PLEKHG4B: variants seen among roughly 807,000 people sequenced by gnomAD.
PLEKHG4B encodes the protein pleckstrin homology and RhoGEF domain containing G4B, also known as pleckstrin homology domain-containing family G member 4B.
Under a neutral mutation model 121.3 loss-of-function variants are expected in PLEKHG4B, and 111 were observed. The observed-to-expected ratio is 0.92, with a 90% CI of 0.78 to 1.07. The LOEUF is 1.07. PLEKHG4B is among the 50% of genes least tolerant of loss of function. PLEKHG4B has a pLI of 0.00. For synonymous variants in PLEKHG4B, 738 were observed against 725.0 expected (o/e 1.02, Z -0.29); for missense variants, 1,831 against 1,757.8 (o/e 1.04, Z -0.74).
At chr5:131,358 G>C (rs1303761162) in intron 2 of PLEKHG4B, among the ~76,000 whole-genome samples, 1 of 152,170 alleles carries the variant, frequency 6.6e-6, no homozygotes, top group African/African-American at 2.4e-5. Flanking sequence ...GGAACATGCA[G>C]TGTTTGGTTT....
rs190337000 is a variant in PLEKHG4B, at chr5:108,723, G to A, written c.46-4528G>A. Among the ~76,000 whole-genome samples the A allele has an allele frequency of 2.0e-3, 286 of 140,826 alleles. 4 individuals carry two copies. Among genetic ancestry groups the A allele is most frequent in the African/African-American group, 7.5e-3 (272 of 36,368 alleles). The allele number at this position is 140,826 out of a possible 152,430, so 92.4% of individuals were successfully genotyped here. On this transcript the variant is annotated intron_variant, in intron 1 of 19. Coordinates refer to ENST00000637938, the MANE Select transcript of PLEKHG4B (RefSeq NM_052909.5). ...GATGGCTGGTGTAGACAGACTGGGT[G>A]CAGATGGCTGGGTGTAGACAGACTG...
intron 2 of PLEKHG4B, among the ~76,000 whole-genome samples, chr5:136,953 A>C (rs1735002330): frequency 6.6e-6 from 1 of 152,212 alleles, no homozygotes; most frequent in African/African-American, 2.4e-5. Context: ...GGTGGAAACA[A>C]CCCCAGTGTT....
At chr5:111,930 G>T (rs1476533153) in intron 1 of PLEKHG4B, among the ~76,000 whole-genome samples, 1 of 148,522 alleles carries the variant, frequency 6.7e-6, no homozygotes, top group African/African-American at 2.6e-5. Flanking sequence ...CCTGAGACGG[G>T]CCCACTCATT....
At chr5:110,569 AAC>A (rs1442917359) in intron 1 of PLEKHG4B, among the ~76,000 whole-genome samples, 25 of 139,604 alleles carry the variant, frequency 1.8e-4, no homozygotes, top group Non-Finnish European at 2.6e-4. Flanking sequence ...CGCAATCTGC[AAC>A]ACACGCGCAC....
intron 13 of PLEKHG4B, among the ~76,000 whole-genome samples, chr5:165,721 C>G (rs879152032): frequency 2.7e-5 from 1 of 37,184 alleles, no homozygotes; most frequent in African/African-American, 1.0e-4. Context: ...CACTAATGCT[C>G]TGACGGGGCG....
chr5:132,518 G>A lies in PLEKHG4B; in HGVS notation c.244-6965G>A, dbSNP rs1323757449. On this transcript the variant is annotated intron_variant, in intron 2 of 19. Coordinates refer to ENST00000637938, the MANE Select transcript of PLEKHG4B (RefSeq NM_052909.5). ...TGATATTATCTTTTAGAATGTTTATGGTTTCTGGTCTTAGATTTAAGTCTG... is the reference window on the plus strand; with the variant it reads ...TGATATTATCTTTTAGAATGTTTATAGTTTCTGGTCTTAGATTTAAGTCTG... Among the ~76,000 whole-genome samples, 7 of 152,106 alleles carry A rather than the reference G, an allele frequency of 4.6e-5. No homozygotes were observed. The South Asian group carries it at 1.4e-3, about 31-fold the overall frequency.
At position 188,241 on chromosome 5, in the gene PLEKHG4B, T is replaced by C. The variant is rs1733682853; in HGVS notation, c.*5918T>C. 6.6e-6 allele frequency: 1 copy of C among 152,350 alleles called. No individual in the cohort carries two copies. The highest frequency in any genetic ancestry group is 1.5e-5 in the Non-Finnish European group (1 of 68,156). The allele number at this position is 152,350 out of a possible 1,614,324, so 9.4% of individuals were successfully genotyped here. ...TCCTGGGGACACGCCTCTCCCAAGGTCACCCACGTGGGGGCTTTGTTACTC... is the reference window on the plus strand; with the variant it reads ...TCCTGGGGACACGCCTCTCCCAAGGCCACCCACGTGGGGGCTTTGTTACTC... On this transcript the variant is annotated 3_prime_UTR_variant, in exon 20 of 20. Transcript: ENST00000637938.
At chr5:168,530 A>G (rs1736426985) in intron 13 of PLEKHG4B, among the ~76,000 whole-genome samples, 1 of 152,234 alleles carries the variant, frequency 6.6e-6, no homozygotes, top group Middle Eastern at 3.4e-3. Context: ...TTTCCACCAC[A>G]GCCTTCCTTA....
rs1243686715 is a variant in PLEKHG4B, at chr5:187,363, C to T, written c.*5040C>T. On this transcript the variant is annotated 3_prime_UTR_variant, in exon 20 of 20. Transcript: ENST00000637938. Reference sequence around the variant, plus strand: ...GGCTTAGCTGGGCCTGCGTCCATCCCCGGTTCTGGGGAGATGCCCGGGCCC... The same window carrying T: ...GGCTTAGCTGGGCCTGCGTCCATCCTCGGTTCTGGGGAGATGCCCGGGCCC... 1 of 152,292 alleles carries T rather than the reference C, an allele frequency of 6.6e-6. No individual in the cohort carries two copies. The highest frequency in any genetic ancestry group is 1.5e-5 in the Non-Finnish European group (1 of 68,134). The allele number at this position is 152,292 out of a possible 1,614,324, so 9.4% of individuals were successfully genotyped here.
intron 1 of PLEKHG4B, among the ~76,000 whole-genome samples, chr5:103,042 C>G (rs540148163): frequency 5.9e-5 from 9 of 152,318 alleles, no homozygotes; most frequent in East Asian, 5.8e-4. Context: ...AGTTACCGCT[C>G]TGTTCCCTCC....
chr5:163,696 C>G, intron 13 of PLEKHG4B, 148 bp downstream of exon 13: 3 of 745,296 alleles, frequency 4.0e-6, no homozygotes, highest in Non-Finnish European at 4.2e-6. Context: ...TAAGAAGAAA[C>G]ACAATTTTAA....
chr5:122,409 AT>A (rs552399727), intron 2 of PLEKHG4B, among the ~76,000 whole-genome samples: 28,424 of 151,564 alleles, frequency 0.19, 3,688 homozygotes, highest in African/African-American at 0.37. Flanking sequence ...ATTTTTATTT[AT>A]TTATTTATTT....
intron 2 of PLEKHG4B, among the ~76,000 whole-genome samples, chr5:133,375 C>G (rs1444515086): frequency 6.6e-6 from 1 of 151,920 alleles, no homozygotes; most frequent in East Asian, 1.9e-4. Flanking sequence ...ATTTGGATGC[C>G]CTTTATTTTT....
intron 9 of PLEKHG4B, among the ~76,000 whole-genome samples, chr5:155,726 A>G (rs961656364): frequency 1.3e-5 from 2 of 152,188 alleles, no homozygotes; most frequent in Admixed American, 1.3e-4. Context: ...CCATTCCAAC[A>G]AGACACAGAG....
In PLEKHG4B at chr5:172,931, G is replaced by A. The variant is rs375135476; in HGVS notation, c.4085G>A (p.Arg1362Gln). The change falls in exon 17 of 20, where the codon CGG becomes CAG. Residue 1362 changes from arginine to glutamine, a missense_variant. Arg to Gln is a conservative substitution (Grantham distance 43, BLOSUM62 1). Transcript: ENST00000637938. ...AAGGAACAGGGGCAGCTGAGATGCC[G>A]GGATGAGTTTATCGTTTGCTGCGGG... ...NLKEQGQLRC[R>Q]DEFIVCCGRK... The A allele has an allele frequency of 2.0e-5, 33 of 1,614,052 alleles. No homozygotes were observed. The highest frequency in any genetic ancestry group is 1.2e-4 in the African/African-American group (9 of 74,924).
chr5:156,164 G>C lies in PLEKHG4B; in HGVS notation c.2302G>C (p.Val768Leu), dbSNP rs534336026. Residue 768 changes from valine to leucine, a missense_variant, in exon 10 of 20, where the codon GTC becomes CTC. Coordinates refer to ENST00000637938, the MANE Select transcript of PLEKHG4B (RefSeq NM_052909.5). The surrounding 1 kb of genome is among the most constrained non-coding windows in gnomAD (Gnocchi z 4.4). ...GTCTCTCAGGCTGGAGGGGGGCACC[G>C]TCCTGGCGCGGCTGAGGAGAGAAGA... ...LVSLRLEGGTVLARLRREELG... is the reference protein window; with the variant it reads ...LVSLRLEGGTLLARLRREELG... The C allele has an allele frequency of 6.3e-7, 1 of 1,587,218 alleles. No homozygotes were observed. Among genetic ancestry groups the C allele is most frequent in the South Asian group, 1.1e-5 (1 of 87,428 alleles).
chr5:103,311 G>A (rs989713798), intron 1 of PLEKHG4B, among the ~76,000 whole-genome samples: 1 of 152,156 alleles, frequency 6.6e-6, no homozygotes, highest in African/African-American at 2.4e-5. Context: ...TTCCTGGGCT[G>A]ACACAGTTTT....
intron 19 of PLEKHG4B, 151 bp from the exon 20 acceptor site, chr5:181,853 A>T (rs1254236568): frequency 8.0e-7 from 1 of 1,254,434 alleles, no homozygotes; most frequent in Non-Finnish European, 1.1e-6. Flanking sequence ...TGCAGAGGGC[A>T]CTGGGCCAGT....
chr5:140,696 C>T lies in PLEKHG4B; in HGVS notation c.1457C>T (p.Pro486Leu). ...GTPNCVPVEG[P>L]GCTKEEDVLA... Reference sequence around the variant, plus strand: ...CCAAACTGTGTCCCAGTAGAGGGTCCCGGCTGCACCAAAGAGGAAGGTAAA... The same window carrying T: ...CCAAACTGTGTCCCAGTAGAGGGTCTCGGCTGCACCAAAGAGGAAGGTAAA... Residue 486 changes from proline (P) to leucine (L), a missense_variant, in exon 3 of 20, where the codon CCC becomes CTC. Transcript: ENST00000637938. The T allele has an allele frequency of 6.3e-7, 1 of 1,578,436 alleles. No homozygotes were observed. Among genetic ancestry groups the T allele is most frequent in the East Asian group, 2.3e-5 (1 of 44,432 alleles).
Sources: gnomAD v4.1 joint callset for allele counts (sites outside exome capture counted in the v4.1 genomes callset) on GRCh38, gnomAD v4.1.1 for gene constraint, Gnocchi (gnomAD v3.1) non-coding constraint, MANE v1.5 for transcripts, NCBI Gene and HGNC (gene_info 2026-07-23, HGNC 2026-07-21) for gene names.